The following MACROD2 variants were observed in gnomAD, a reference collection of about 807,000 sequenced individuals.
MACROD2 encodes the protein mono-ADP ribosylhydrolase 2, also known as ADP-ribose glycohydrolase MACROD2.
Under a neutral mutation model 70.4 loss-of-function variants are expected in MACROD2, and 36 were observed. The ratio of observed to expected loss-of-function variants is 0.51; its 90% CI spans 0.39 to 0.68. MACROD2 has a LOEUF of 0.68. Ranked by LOEUF, MACROD2 falls within the 30% of genes least tolerant of loss-of-function variation. The pLI is 0.00. For missense variants in MACROD2, 496 were observed against 538.4 expected, an observed-to-expected ratio of 0.92 and a Z score of 0.78; for synonymous variants, 172 against 178.8, an observed-to-expected ratio of 0.96 and a Z score of 0.30.
chr20:14,115,980 C>T (rs897785825), intron 3 of MACROD2, among the ~76,000 whole-genome samples: 2 of 152,042 alleles, frequency 1.3e-5, no homozygotes, highest in African/African-American at 4.8e-5. Flanking sequence ...ATATAATGAG[C>T]CATTTGTGGA....
intron 3 of MACROD2, among the ~76,000 whole-genome samples, chr20:14,103,405 T>TAAA (rs1325325059): frequency 6.6e-6 from 1 of 152,236 alleles, no homozygotes; most frequent in Non-Finnish European, 1.5e-5. Context: ...AGAGATCGTC[T>TAAA]TCTCTCTTTG....
intron 7 of MACROD2, among the ~76,000 whole-genome samples, chr20:15,453,341 C>T (rs900422313): frequency 1.3e-5 from 2 of 152,086 alleles, no homozygotes; most frequent in Non-Finnish European, 2.9e-5. Context: ...CTCCCTCCCT[C>T]CCCCTCCAAC....
At chr20:14,988,768 C>G (rs996395708) in intron 5 of MACROD2, among the ~76,000 whole-genome samples, 8 of 152,156 alleles carry the variant, frequency 5.3e-5, no homozygotes, top group Admixed American at 6.5e-5. Context: ...TCTAATAAAG[C>G]TCCTTCTCAA....
At chr20:15,483,610 G>A (rs1337367269) in intron 7 of MACROD2, among the ~76,000 whole-genome samples, 1 of 152,116 alleles carries the variant, frequency 6.6e-6, no homozygotes, top group Non-Finnish European at 1.5e-5. Context: ...GGTTGGGATT[G>A]CATTGAAAAT....
At chr20:14,924,410 G>A (rs1210046288) in intron 5 of MACROD2, among the ~76,000 whole-genome samples, 1 of 151,728 alleles carries the variant, frequency 6.6e-6, no homozygotes, top group African/African-American at 2.4e-5. Context: ...CTGCACTCTA[G>A]CCTGGGTGAC....
At chr20:15,272,463 A>T (rs967686884) in intron 6 of MACROD2, among the ~76,000 whole-genome samples, 2 of 152,206 alleles carry the variant, frequency 1.3e-5, no homozygotes, top group Admixed American at 6.5e-5. Flanking sequence ...CTGATTTATA[A>T]GGTCAATCTT....
At chr20:14,820,165 T>G (rs2072824679) in intron 5 of MACROD2, among the ~76,000 whole-genome samples, 1 of 152,016 alleles carries the variant, frequency 6.6e-6, no homozygotes, top group Non-Finnish European at 1.5e-5. Flanking sequence ...GCTTTTGATT[T>G]GAAGGAAAGG....
At chr20:14,941,609 T>A (rs959453803) in intron 5 of MACROD2, among the ~76,000 whole-genome samples, 1 of 152,246 alleles carries the variant, frequency 6.6e-6, no homozygotes, top group African/African-American at 2.4e-5. Context: ...CTGGAAACTG[T>A]CTCCTCATAT....
chr20:15,060,740 T>A (rs143369652), intron 5 of MACROD2, among the ~76,000 whole-genome samples: 2 of 152,222 alleles, frequency 1.3e-5, no homozygotes, highest in East Asian at 3.8e-4. Context: ...AAAGCTGCCA[T>A]CAAAGTGTCT....
At chr20:14,227,544 G>A (rs530097850) in intron 3 of MACROD2, among the ~76,000 whole-genome samples, 1 of 152,122 alleles carries the variant, frequency 6.6e-6, no homozygotes, top group African/African-American at 2.4e-5. Flanking sequence ...GAGCCAGCGA[G>A]ACCATGCACC....
chr20:15,124,365 T>TA lies in MACROD2; in HGVS notation c.419-105567dup, dbSNP rs1216565646. ...TAATTTCCTAGTTTTTTTTTTTTTC[T>TA]AAAAAAAAGGCAAAGATAAAATTAC... On this transcript the variant is annotated intron_variant, in intron 5 of 17. Coordinates refer to ENST00000684519, the MANE Select transcript of MACROD2 (RefSeq NM_001351661.2). Among the ~76,000 whole-genome samples, 12 of 147,174 alleles carry TA rather than the reference T, an allele frequency of 8.2e-5. No homozygotes were observed. In the East Asian group the frequency reaches 1.8e-3, roughly 22 times the overall value.
chr20:14,862,007 A>T (rs1479356114), intron 5 of MACROD2, among the ~76,000 whole-genome samples: 3 of 23,102 alleles, frequency 1.3e-4, no homozygotes, highest in African/African-American at 2.9e-4. Context: ...ATATATATTT[A>T]TATATATATA....
At chr20:15,823,397 G>A (rs926384067) in intron 8 of MACROD2, among the ~76,000 whole-genome samples, 3 of 151,678 alleles carry the variant, frequency 2.0e-5, no homozygotes, top group Admixed American at 6.6e-5. Flanking sequence ...GAGCTGCATT[G>A]AACAGACATA....
At position 15,535,120 on chromosome 20, in the gene MACROD2, C is replaced by G. The variant is rs148223951; in HGVS notation, c.645+35273C>G. Among the ~76,000 whole-genome samples, 12 of 152,208 alleles carry G rather than the reference C, an allele frequency of 7.9e-5. No homozygotes were observed. In the South Asian group the frequency reaches 2.1e-3, roughly 26 times the overall value. ...CCTACCAAGTAACTGGGACAACAGG[C>G]AGGTGCCACTGTGCTCAGCTAATTT... On this transcript the variant is annotated intron_variant, in intron 8 of 17. Coordinates refer to ENST00000684519, the MANE Select transcript of MACROD2 (RefSeq NM_001351661.2).
intron 8 of MACROD2, among the ~76,000 whole-genome samples, chr20:15,858,356 T>C (rs2064382018): frequency 6.6e-6 from 1 of 152,204 alleles, no homozygotes; most frequent in Non-Finnish European, 1.5e-5. Context: ...GAAATTTATC[T>C]GGGGCTAGTA....
rs1456520273 is a variant in MACROD2 at position 16,035,172 on chromosome 20, AATATTAT to A, written c.1154-6017_1154-6011del. 2.4e-4 allele frequency among the ~76,000 whole-genome samples: 18 copies of A among 74,578 alleles called. 2 individuals are homozygous for A. Among genetic ancestry groups the A allele is most frequent in the Non-Finnish European group, 4.1e-4 (14 of 34,338 alleles). The allele number at this position is 74,578 out of a possible 152,430, so 48.9% of individuals were successfully genotyped here. On this transcript the variant is annotated intron_variant, in intron 15 of 17. Coordinates refer to ENST00000684519, the MANE Select transcript of MACROD2 (RefSeq NM_001351661.2). Reference sequence around the variant, plus strand: ...ATATAAAATATAATATAAAATATAAAATATTATATATTATATATAAAATATAATATAA... The same window carrying A: ...ATATAAAATATAATATAAAATATAAAATATTATATATAAAATATAATATAA...
chr20:15,021,221 G>GT lies in MACROD2; in HGVS notation c.419-208719_419-208718insT, dbSNP rs1568534841. On this transcript the variant is annotated intron_variant, in intron 5 of 17. Transcript: ENST00000684519. ...ACCTGTGTGTATGTATACACATACA[G>GT]GTGTGCGTATACACACACCTGTGTG... is the stretch of plus-strand genomic sequence containing the variant. 6.3e-3 allele frequency among the ~76,000 whole-genome samples: 24 copies of GT among 3,810 alleles called. 2 individuals are homozygous for GT. Among genetic ancestry groups the GT allele is most frequent in the African/African-American group, 0.024 (21 of 862 alleles). 2.5% of individuals were successfully genotyped at this position (3,810 alleles called of 152,430 possible). A position where few individuals can be genotyped will look rare whatever the true frequency, so the allele number is the denominator to read the frequency against.
At position 15,940,343 on chromosome 20, in the gene MACROD2, G is replaced by A. The variant is rs148463561; in HGVS notation, c.907+2799G>A. Among the ~76,000 whole-genome samples, 33 of 151,352 alleles carry A rather than the reference G, an allele frequency of 2.2e-4. 1 individual carries two copies. The highest frequency in any genetic ancestry group is 5.8e-4 in the African/African-American group (24 of 41,202). On this transcript the variant is annotated intron_variant, in intron 12 of 17. Transcript: ENST00000684519. ...AATCCTGACCTCAGGTGATCCACCC[G>A]CCTTGGCCTCCCAAAGTGCTGGGAT...
At chr20:15,421,526 T>C (rs1224894006) in intron 6 of MACROD2, among the ~76,000 whole-genome samples, 2 of 152,128 alleles carry the variant, frequency 1.3e-5, no homozygotes, top group Non-Finnish European at 2.9e-5. Context: ...ATTAGAAACA[T>C]ATGAGGTAGA....
Sources: allele counts gnomAD v4.1 joint callset (sites outside exome capture counted in the v4.1 genomes callset), GRCh38; gene constraint gnomAD v4.1.1; transcripts MANE v1.5; gene names NCBI Gene and HGNC (gene_info 2026-07-23, HGNC 2026-07-21).